The following SV2A variants were observed in gnomAD, a reference collection of about 807,000 sequenced individuals.
SV2A encodes the protein synaptic vesicle glycoprotein 2A.
Under a neutral mutation model 78.0 loss-of-function variants are expected in SV2A, and 25 were observed. That is an observed-to-expected ratio of 0.32 (90% CI 0.23 to 0.45). The LOEUF is 0.45. SV2A is among the 20% of genes least tolerant of loss of function. The probability of loss-of-function intolerance (pLI) is 1.00; values close to 1 mark genes in which losing one functional copy is unlikely to be tolerated. For synonymous variants in SV2A, 355 were observed against 384.7 expected (o/e 0.92, Z 0.90); for missense variants, 752 against 971.5 (o/e 0.77, Z 3.00).
Position 149,910,815 on chromosome 1 carries a change from G to C in SV2A, c.955+11C>G. 2 of 1,613,292 alleles carry C rather than the reference G, an allele frequency of 1.2e-6. No individual in the cohort carries two copies. Among genetic ancestry groups the C allele is most frequent in the Non-Finnish European group, 1.7e-6 (2 of 1,179,330 alleles). ...GAGATAACCTGGGGTGGATTTCCGG[G>C]GGCTGCTCACCATAGTGGGGGATGA... On this transcript the variant is annotated intron_variant, in intron 4 of 12. Transcript: ENST00000369146. The surrounding 1 kb of genome is among the most constrained non-coding windows in gnomAD (Gnocchi z 4.2).
chr1:149,912,222 C>T (rs587670571), intron 2 of SV2A, among the ~76,000 whole-genome samples: 4 of 152,170 alleles, frequency 2.6e-5, no homozygotes, highest in African/African-American at 7.2e-5. Context: ...CCACTCTCTT[C>T]GGTCTGTCTC....
chr1:149,909,752 G>A (rs782549392), intron 6 of SV2A, 49 bp downstream of exon 6: 1 of 1,595,870 alleles, frequency 6.3e-7, no homozygotes, highest in Non-Finnish European at 8.6e-7. Context: ...CCAGGTAGGG[G>A]CTGGGGCTGC....
chr1:149,910,932 A>G lies in SV2A; in HGVS notation c.849T>C (p.Phe283=). ...GCTCCCCTCGTTTCTCCTGGGCCAG[A>G]AACTCGGAGAAATAGGAGAAGACAA... is the stretch of plus-strand genomic sequence containing the variant. The part of the protein sequence containing the change: ...IPIVFSYFSE[F]LAQEKRGEHL... Residue 283 remains phenylalanine (F), a synonymous_variant, in exon 4 of 13, where the codon TTT becomes TTC. Transcript: ENST00000369146. This position sits in a 1 kb window ranked among gnomAD's most constrained non-coding sequence, Gnocchi z 4.2. 6.2e-7 allele frequency: 1 copy of G among 1,614,230 alleles called. No individual in the cohort carries two copies. The highest frequency in any genetic ancestry group is 8.5e-7 in the Non-Finnish European group (1 of 1,180,044).
At chr1:149,911,472 G>A (rs1185185449) in intron 3 of SV2A, among the ~76,000 whole-genome samples, 2 of 152,150 alleles carry the variant, frequency 1.3e-5, no homozygotes, top group Admixed American at 1.3e-4. Context: ...GACTCTGGTA[G>A]GGGGTAACTC....
intron 9 of SV2A, 33 bp from the exon 10 acceptor site, chr1:149,907,866 C>A: frequency 1.1e-5 from 17 of 1,607,468 alleles, no homozygotes; most frequent in Non-Finnish European, 1.4e-5. Flanking sequence ...GACACTCCCC[C>A]GTCATCCTCA....
At chr1:149,908,699 G>A (rs1283716024) in intron 8 of SV2A, among the ~76,000 whole-genome samples, 4 of 151,912 alleles carry the variant, frequency 2.6e-5, no homozygotes, top group African/African-American at 7.3e-5. Context: ...GTGCAGTGGC[G>A]CGATCTCGAC....
chr1:149,909,576 G>A lies in SV2A; in HGVS notation c.1180-5C>T, dbSNP rs374361479. On this transcript the variant is annotated splice_region_variant and splice_polypyrimidine_tract_variant and intron_variant, in intron 6 of 12. Transcript: ENST00000369146. ...AATCGTCTTAATGTGGGTTACCTGG[G>A]GTCAAGAGAAGGGGTGGGCAGTCAC... is the stretch of plus-strand genomic sequence containing the variant. 10 of 1,613,046 alleles carry A rather than the reference G, an allele frequency of 6.2e-6. No homozygotes were observed. The African/African-American group carries it at 8.0e-5, about 13-fold the overall frequency.
At position 149,906,050 on chromosome 1, in the gene SV2A, G is replaced by A. The variant is rs782387215; in HGVS notation, c.1886-11C>T. The A allele has an allele frequency of 2.2e-5, 36 of 1,613,928 alleles. No individual in the cohort carries two copies. The highest frequency in any genetic ancestry group is 1.7e-4 in the Middle Eastern group (1 of 5,982). ...TCACGCTGGAGCCAGCTGGAGCCAG[G>A]AGAGGAGAGAGCAACATGAGCCTGG... On this transcript the variant is annotated splice_polypyrimidine_tract_variant and intron_variant, in intron 11 of 12. Transcript: ENST00000369146.
Position 149,911,907 on chromosome 1 carries a change from C to T in SV2A, c.696G>A (p.Arg232=), listed in dbSNP as rs144570219. The T allele has an allele frequency of 4.2e-5, 68 of 1,614,062 alleles. No individual in the cohort carries two copies. The African/African-American group carries it at 8.1e-4, about 19-fold the overall frequency. Residue 232 remains arginine, a synonymous_variant, in exon 3 of 13, where the codon AGG becomes AGA. Transcript: ENST00000369146. ...CTGAGAGCGAGATGAGCAGACACTG[C>T]CTCCGACCCAGCCGGTCAGCCAGAC... The part of the protein sequence containing the change: ...WGGLADRLGR[R]QCLLISLSVN...
In SV2A at chr1:149,909,286, G is replaced by A; in HGVS notation, c.1291-6C>T. ...GAGAGAAAATTCCCCCAAACCTACA[G>A]GGGACCAGACAAAGTCAGACCTTGA... On this transcript the variant is annotated splice_region_variant and splice_polypyrimidine_tract_variant and intron_variant, in intron 7 of 12. Transcript: ENST00000369146. The A allele has an allele frequency of 6.2e-7, 1 of 1,613,748 alleles. No homozygotes were observed. Among genetic ancestry groups the A allele is most frequent in the South Asian group, 1.1e-5 (1 of 91,074 alleles).
chr1:149,905,672 A>T, intron 12 of SV2A: 2 of 601,274 alleles, frequency 3.3e-6, no homozygotes, highest in Non-Finnish European at 5.7e-6. Context: ...CAAACTCCTG[A>T]CCTCAGGTGA....
In SV2A at chr1:149,909,807, C is replaced by A; in HGVS notation, c.1173G>T (p.Val391=). 1 of 1,613,770 alleles carries A rather than the reference C, an allele frequency of 6.2e-7. No homozygotes were observed. Among genetic ancestry groups the A allele is most frequent in the African/African-American group, 1.3e-5 (1 of 74,968 alleles). The change falls in exon 6 of 13, where the codon GTG becomes GTT. Residue 391 remains valine, a synonymous_variant. Coordinates refer to ENST00000369146, the MANE Select transcript of SV2A (RefSeq NM_014849.5). ...CGGGAGGGCTGTGGCTTACTGAGAA[C>A]ACTCGCTCAGGATGTCCTTTGGCTC... ...NMRAKGHPER[V]FSVTHIKTIH... is the part of the protein sequence containing the mutation.
Position 149,913,275 on chromosome 1 carries a change from A to G in SV2A, c.566T>C (p.Val189Ala). 6.2e-7 allele frequency: 1 copy of G among 1,614,142 alleles called. No homozygotes were observed. The highest frequency in any genetic ancestry group is 8.5e-7 in the Non-Finnish European group (1 of 1,180,022). The change falls in exon 2 of 13, where the codon GTG becomes GCG. Residue 189 changes from valine (V) to alanine (A), a missense_variant. This residue lies in a region of SV2A where 291 missense variants were observed against 359.5 expected (regional missense o/e 0.81). Coordinates refer to ENST00000369146, the MANE Select transcript of SV2A (RefSeq NM_014849.5). ...DGVEVFVVGFVLPSAEKDMCL... is the reference protein window; with the variant it reads ...DGVEVFVVGFALPSAEKDMCL... ...CATGTCTTTCTCAGCGCTGGGCAGC[A>G]CGAAGCCCACCACAAAGACCTCCAC...
At chr1:149,912,397 G>C (rs1342349548) in intron 2 of SV2A, among the ~76,000 whole-genome samples, 1 of 152,028 alleles carries the variant, frequency 6.6e-6, no homozygotes, top group Non-Finnish European at 1.5e-5. Flanking sequence ...GGGGAAAGGG[G>C]CTCCAATTCA....
chr1:149,907,974 C>G, intron 9 of SV2A, 68 bp downstream of exon 9: 1 of 1,588,384 alleles, frequency 6.3e-7, no homozygotes, highest in South Asian at 1.1e-5. Context: ...GTCTTGAACC[C>G]CTAGACTCAT....
chr1:149,917,143 C>A (rs1488062386), intron 1 of SV2A, among the ~76,000 whole-genome samples: 1 of 151,992 alleles, frequency 6.6e-6, no homozygotes, highest in Non-Finnish European at 1.5e-5. Flanking sequence ...ACTCAACATC[C>A]CTTCCCCCCA....
At chr1:149,907,384 T>C (rs1308877375) in intron 10 of SV2A, among the ~76,000 whole-genome samples, 1 of 152,228 alleles carries the variant, frequency 6.6e-6, no homozygotes, top group African/African-American at 2.4e-5. Context: ...TGATTGTTTT[T>C]CTTTTTCCCA....
intron 8 of SV2A, among the ~76,000 whole-genome samples, chr1:149,908,434 A>C (rs1404222387): frequency 6.6e-6 from 1 of 152,110 alleles, no homozygotes; most frequent in African/African-American, 2.4e-5. Flanking sequence ...CACAGCAGCC[A>C]CTATACTTTT....
At position 149,913,268 on chromosome 1, in the gene SV2A, G is replaced by A. The variant is rs377656663; in HGVS notation, c.573C>T (p.Pro191=). 7.4e-5 allele frequency: 120 copies of A among 1,613,950 alleles called. No individual in the cohort carries two copies. The highest frequency in any genetic ancestry group is 2.3e-4 in the Admixed American group (14 of 59,996). The change falls in exon 2 of 13, where the codon CCC becomes CCT. Residue 191 remains proline (P), a synonymous_variant. Coordinates refer to ENST00000369146, the MANE Select transcript of SV2A (RefSeq NM_014849.5). Reference sequence around the variant, plus strand: ...ACAGGCACATGTCTTTCTCAGCGCTGGGCAGCACGAAGCCCACCACAAAGA... The same window carrying A: ...ACAGGCACATGTCTTTCTCAGCGCTAGGCAGCACGAAGCCCACCACAAAGA... The part of the protein sequence containing the change: ...VEVFVVGFVL[P]SAEKDMCLSD...
Sources: gnomAD v4.1 joint callset for allele counts (sites outside exome capture counted in the v4.1 genomes callset) on GRCh38, gnomAD v4.1.1 for gene constraint, gnomAD v4.1.1 regional missense constraint, Gnocchi (gnomAD v3.1) non-coding constraint, MANE v1.5 for transcripts, NCBI Gene and HGNC (gene_info 2026-07-23, HGNC 2026-07-21) for gene names.